SLC37A3: variants seen among roughly 807,000 people sequenced by gnomAD.
SLC37A3 encodes solute carrier family 37 member 3.
Under a neutral mutation model 67.1 loss-of-function variants are expected in SLC37A3, and 51 were observed. That is an observed-to-expected ratio of 0.76 (90% CI 0.61 to 0.96). SLC37A3 has a LOEUF of 0.96. Ranked by LOEUF, SLC37A3 falls within the 40% of genes least tolerant of loss-of-function variation. The pLI, the probability that SLC37A3 is intolerant of heterozygous loss-of-function variation, is 0.00. For synonymous variants in SLC37A3, 214 were observed against 231.4 expected (o/e 0.92, Z 0.68); for missense variants, 508 against 603.0 (o/e 0.84, Z 1.65).
intron 13 of SLC37A3, 157 bp from the exon 14 acceptor site, chr7:140,337,506 G>T: frequency 2.0e-6 from 1 of 510,684 alleles, no homozygotes; most frequent in Non-Finnish European, 3.4e-6. Context: ...ACATGTGCCT[G>T]CTGTGATTAA....
intron 5 of SLC37A3, among the ~76,000 whole-genome samples, chr7:140,359,139 C>G (rs942012665): frequency 1.3e-5 from 2 of 152,002 alleles, no homozygotes; most frequent in Non-Finnish European, 2.9e-5. Context: ...GTCAGGAAAT[C>G]GAGACCATCC....
At chr7:140,397,888 T>A (rs1489175474) in intron 1 of SLC37A3, among the ~76,000 whole-genome samples, 1 of 152,168 alleles carries the variant, frequency 6.6e-6, no homozygotes, top group Non-Finnish European at 1.5e-5. Flanking sequence ...CTGCGAAGAA[T>A]AAGGAGGGAA....
intron 14 of SLC37A3, among the ~76,000 whole-genome samples, chr7:140,336,454 G>A (rs1796133665): frequency 1.3e-5 from 2 of 152,060 alleles, no homozygotes; most frequent in Non-Finnish European, 1.5e-5. Context: ...AATAAACAAG[G>A]CCTTACTCTG....
chr7:140,362,375 G>T (rs1255662542), intron 5 of SLC37A3, among the ~76,000 whole-genome samples: 3 of 145,660 alleles, frequency 2.1e-5, no homozygotes, highest in Non-Finnish European at 4.6e-5. Flanking sequence ...TCTGGGAAGT[G>T]AGGAGCGTCT....
intron 1 of SLC37A3, among the ~76,000 whole-genome samples, chr7:140,389,708 A>G (rs1380221395): frequency 2.0e-5 from 3 of 152,184 alleles, no homozygotes; most frequent in Admixed American, 1.3e-4. Context: ...ATGACTTCGC[A>G]CTGCAGCAAC....
intron 3 of SLC37A3, among the ~76,000 whole-genome samples, chr7:140,370,206 G>A (rs1797769715): frequency 6.6e-6 from 1 of 151,588 alleles, no homozygotes. Flanking sequence ...ACATATTGAG[G>A]GAGTACAGTG....
At chr7:140,391,213 G>T (rs1326702591) in intron 1 of SLC37A3, among the ~76,000 whole-genome samples, 2 of 151,988 alleles carry the variant, frequency 1.3e-5, no homozygotes, top group Non-Finnish European at 2.9e-5. Context: ...CTCTAACTTA[G>T]ACCCTCCAGG....
At chr7:140,346,172 G>C (rs1796551708) in intron 10 of SLC37A3, among the ~76,000 whole-genome samples, 1 of 152,136 alleles carries the variant, frequency 6.6e-6, no homozygotes. Context: ...AAGGTCAGGA[G>C]ATGGAGACCA....
chr7:140,370,999 A>G (rs962899128), intron 3 of SLC37A3, among the ~76,000 whole-genome samples: 7 of 152,228 alleles, frequency 4.6e-5, no homozygotes, highest in East Asian at 3.9e-4. Context: ...GCCTGGGAAT[A>G]TCCACCAGTC....
At chr7:140,336,302 C>T (rs551502246) in intron 14 of SLC37A3, among the ~76,000 whole-genome samples, 1 of 152,292 alleles carries the variant, frequency 6.6e-6, no homozygotes, top group South Asian at 2.1e-4. Context: ...CCCAGGTAAT[C>T]AGGAGGCTGA....
intron 9 of SLC37A3, among the ~76,000 whole-genome samples, chr7:140,349,757 TC>T (rs1796718629): frequency 6.6e-6 from 1 of 152,148 alleles, no homozygotes; most frequent in African/African-American, 2.4e-5. Flanking sequence ...TTCCTTTACA[TC>T]CCTGCCCATG....
intron 1 of SLC37A3, among the ~76,000 whole-genome samples, chr7:140,395,573 T>C (rs1432441611): frequency 6.6e-6 from 1 of 151,058 alleles, no homozygotes; most frequent in Admixed American, 6.6e-5. Context: ...CCAGGTGTGG[T>C]GGTGGGTGCC....
chr7:140,371,994 G>A (rs944276388), intron 3 of SLC37A3, among the ~76,000 whole-genome samples: 11 of 152,032 alleles, frequency 7.2e-5, no homozygotes, highest in Non-Finnish European at 1.5e-4. Context: ...TGGGATTACA[G>A]GCGCCCACCA....
At chr7:140,363,780 G>GT (rs1797483705) in intron 5 of SLC37A3, among the ~76,000 whole-genome samples, 1 of 148,326 alleles carries the variant, frequency 6.7e-6, no homozygotes, top group Admixed American at 6.7e-5. Context: ...GGAGCGGGAT[G>GT]TTAGCGGCCT....
intron 1 of SLC37A3, among the ~76,000 whole-genome samples, chr7:140,396,932 T>C (rs546890594): frequency 5.6e-5 from 8 of 143,158 alleles, no homozygotes; most frequent in African/African-American, 2.0e-4. Context: ...CCGGGCGCAG[T>C]GGCTCACGCC....
In SLC37A3 at chr7:140,334,017, T is replaced by C. The variant is rs1003258923; in HGVS notation, c.*1395A>G. 1.3e-5 allele frequency: 2 copies of C among 152,474 alleles called. No individual in the cohort carries two copies. The highest frequency in any genetic ancestry group is 1.9e-4 in the East Asian group (1 of 5,184). The allele number at this position is 152,474 out of a possible 1,614,324, so 9.4% of individuals were successfully genotyped here. ...GTATATACAGAATGATCTTAAAATA[T>C]TGATAACTAGTATGGAATTCACAGC... On this transcript the variant is annotated 3_prime_UTR_variant, in exon 15 of 15. Transcript: ENST00000326232.
chr7:140,361,070 C>T (rs900415457), intron 5 of SLC37A3, among the ~76,000 whole-genome samples: 1 of 152,034 alleles, frequency 6.6e-6, no homozygotes, highest in African/African-American at 2.4e-5. Flanking sequence ...GACTGACATT[C>T]TCAAAGAGGT....
chr7:140,390,201 T>A (rs1798670314), intron 1 of SLC37A3, among the ~76,000 whole-genome samples: 1 of 152,108 alleles, frequency 6.6e-6, no homozygotes, highest in Admixed American at 6.6e-5. Flanking sequence ...ATGACATACA[T>A]GAAGCTACCA....
Position 140,337,305 on chromosome 7 carries a change from A to G in SLC37A3, c.1371T>C (p.Val457=), listed in dbSNP as rs1796181132. The change falls in exon 14 of 15, where the codon GTT becomes GTC. Residue 457 remains valine (V), a synonymous_variant. Transcript: ENST00000326232. ...LIRDKLGWMW[V]FYFFILMTSC... ...TTACCATGAGAATGAAAAAGTAGAA[A>G]ACCCACATCCATCCTAGCTTGTCCC... 1.2e-6 allele frequency: 2 copies of G among 1,600,560 alleles called. No homozygotes were observed. Among genetic ancestry groups the G allele is most frequent in the East Asian group, 2.3e-5 (1 of 44,434 alleles).
Sources: gnomAD v4.1 joint callset for allele counts (sites outside exome capture counted in the v4.1 genomes callset) on GRCh38, gnomAD v4.1.1 for gene constraint, MANE v1.5 for transcripts, NCBI Gene and HGNC (gene_info 2026-07-23, HGNC 2026-07-21) for gene names.